Variants in COL2A1 observed in about 807,000 individuals in gnomAD.
COL2A1 encodes the protein collagen alpha-1(II) chain.
A neutral mutation model predicts 204.5 loss-of-function variants in COL2A1; 28 were observed. That is an observed-to-expected ratio of 0.14 (90% CI 0.10 to 0.19). The LOEUF (loss-of-function observed/expected upper bound fraction) is 0.19. Among genes scored for constraint, COL2A1 ranks in the 10% least tolerant of loss-of-function variants. The pLI, the probability that COL2A1 is intolerant of heterozygous loss-of-function variation, is 1.00. For synonymous variants in COL2A1, 708 were observed against 718.7 expected (o/e 0.99, Z 0.24); for missense variants, 1,388 against 2,027.5 (o/e 0.68, Z 6.06).
rs56265470 is a variant in COL2A1 at position 47,977,937 on chromosome 12, T to G, written c.3111+73A>C. ...CAGGGCCCTGACTGGGACTTGTCCT[T>G]GCTGACCCAGCACAGAGACTCACAG... On this transcript the variant is annotated intron_variant, in intron 44 of 53. Coordinates refer to ENST00000380518, the MANE Select transcript of COL2A1 (RefSeq NM_001844.5). The G allele has an allele frequency of 5.0e-3, 7,067 of 1,410,898 alleles. 329 individuals carry two copies. In the African/African-American group the frequency reaches 0.086, roughly 17 times the overall value. 87.4% of individuals were successfully genotyped at this position (1,410,898 alleles called of 1,614,324 possible).
Position 47,981,991 on chromosome 12 carries a change from C to G in COL2A1, c.2355+116G>C, listed in dbSNP as rs554798783. On this transcript the variant is annotated intron_variant, in intron 35 of 53. Coordinates refer to ENST00000380518, the MANE Select transcript of COL2A1 (RefSeq NM_001844.5). ...AGAAGTCCCTGCAGTTGCCCAGCCC[C>G]GACAGAGACAGGACCAGGGACCCCA... is the stretch of plus-strand genomic sequence containing the variant. 28 of 1,318,422 alleles carry G rather than the reference C, an allele frequency of 2.1e-5. No homozygotes were observed. The East Asian group carries it at 6.4e-4, about 30-fold the overall frequency. 81.7% of individuals were successfully genotyped at this position (1,318,422 alleles called of 1,614,324 possible). A position where few individuals can be genotyped will look rare whatever the true frequency, so the allele number is the denominator to read the frequency against.
At chr12:47,993,325 A>G in intron 15 of COL2A1, 133 bp downstream of exon 15, 1 of 761,236 alleles carries the variant, frequency 1.3e-6, no homozygotes, top group Non-Finnish European at 2.4e-6. Flanking sequence ...TGTCTAATAC[A>G]TTTTGCTTTT....
rs146410256 is a variant in COL2A1, at chr12:47,993,900, G to A, written c.871-38C>T. ...AGAAAATGTTCAATCAGACTTCTGG[G>A]AAACCCAAGTTGGAAGAAATGCACG... On this transcript the variant is annotated intron_variant, in intron 13 of 53. Transcript: ENST00000380518. 3.4e-5 allele frequency: 55 copies of A among 1,614,066 alleles called. 2 individuals are homozygous for A. In the Middle Eastern group the frequency reaches 1.2e-3, roughly 34 times the overall value.
Position 47,978,491 on chromosome 12 carries a change from G to GCAC in COL2A1, c.2896-94_2896-93insGTG. ...TCTGTCTGTGCAGCCCCGCTCCCTG[G>GCAC]CATCCCCACGGCCCCTGCTCCCTCC... is the stretch of plus-strand genomic sequence containing the variant. On this transcript the variant is annotated intron_variant, in intron 42 of 53. Coordinates refer to ENST00000380518, the MANE Select transcript of COL2A1 (RefSeq NM_001844.5). This position sits in a 1 kb window ranked among gnomAD's most constrained non-coding sequence, Gnocchi z 5.5. The GCAC allele has an allele frequency of 6.4e-7, 1 of 1,571,480 alleles. No homozygotes were observed. Among genetic ancestry groups the GCAC allele is most frequent in the Non-Finnish European group, 8.7e-7 (1 of 1,152,164 alleles).
chr12:48,000,226 C>T, intron 1 of COL2A1, 101 bp from the exon 2 acceptor site: 1 of 830,822 alleles, frequency 1.2e-6, no homozygotes, highest in Non-Finnish European at 2.0e-6. Flanking sequence ...TGACAGAATT[C>T]AAATGCTGAA....
intron 10 of COL2A1, 42 bp downstream of exon 10, chr12:47,995,668 G>A: frequency 6.3e-7 from 1 of 1,594,518 alleles, no homozygotes; most frequent in Non-Finnish European, 8.6e-7. Flanking sequence ...TCTATCATTA[G>A]AGGCTCCCCC....
At chr12:47,994,290 T>G in intron 12 of COL2A1, 134 bp downstream of exon 12, 1 of 1,043,690 alleles carries the variant, frequency 9.6e-7, no homozygotes, top group Non-Finnish European at 1.5e-6. Flanking sequence ...ATTACAAACA[T>G]GGTCGTGATA....
Position 47,976,746 on chromosome 12 carries a change from G to T in COL2A1, c.3435+66C>A, listed in dbSNP as rs1302040276. The T allele has an allele frequency of 6.7e-7, 1 of 1,482,808 alleles. No individual in the cohort carries two copies. Among genetic ancestry groups the T allele is most frequent in the Non-Finnish European group, 9.3e-7 (1 of 1,071,956 alleles). 91.9% of individuals were successfully genotyped at this position (1,482,808 alleles called of 1,614,324 possible). On this transcript the variant is annotated intron_variant, in intron 48 of 53. Transcript: ENST00000380518. This position sits in a 1 kb window ranked among gnomAD's most constrained non-coding sequence, Gnocchi z 4.3. ...GATCCCAAGCTGTCCTGGCAGCACAGGGAGCTCAAGTGGGCTCTGTGTGGC... is the reference window on the plus strand; with the variant it reads ...GATCCCAAGCTGTCCTGGCAGCACATGGAGCTCAAGTGGGCTCTGTGTGGC...
chr12:47,991,004 T>C (rs557528104), intron 16 of COL2A1, among the ~76,000 whole-genome samples: 12 of 152,300 alleles, frequency 7.9e-5, no homozygotes, highest in Non-Finnish European at 1.8e-4. Flanking sequence ...ACAACTCAAC[T>C]CTTCTTCCTG....
chr12:47,974,024 AAC>A, intron 53 of COL2A1, 63 bp downstream of exon 53: 1 of 1,613,030 alleles, frequency 6.2e-7, no homozygotes, highest in Non-Finnish European at 8.5e-7. Flanking sequence ...GCCGCGGGCC[AAC>A]CCTCAGCCCT....
At chr12:47,998,502 T>A in intron 2 of COL2A1, 71 bp from the exon 3 acceptor site, 1 of 1,478,646 alleles carries the variant, frequency 6.8e-7, no homozygotes, top group Non-Finnish European at 9.3e-7. Flanking sequence ...TTCTTGTCAC[T>A]CAAACACTCA....
chr12:47,994,254 C>G (rs878972547), intron 12 of COL2A1, among the ~76,000 whole-genome samples, 170 bp downstream of exon 12: 1 of 152,210 alleles, frequency 6.6e-6, no homozygotes, highest in South Asian at 2.1e-4. Flanking sequence ...AACTGCCCAG[C>G]CTCCCTCATG....
At chr12:47,974,964 G>A (rs974064158) in intron 51 of COL2A1, 102 bp from the exon 52 acceptor site, 11 of 1,221,682 alleles carry the variant, frequency 9.0e-6, no homozygotes, top group Admixed American at 6.6e-5. Context: ...GGCCTACAGG[G>A]ACAAGGGATG....
chr12:47,995,573 G>T, intron 10 of COL2A1, 137 bp downstream of exon 10: 1 of 954,274 alleles, frequency 1.0e-6, no homozygotes, highest in Non-Finnish European at 1.7e-6. Context: ...CAGCTAGGAA[G>T]TGACATCCGA....
rs1264413430 is a variant in COL2A1 at position 47,982,016 on chromosome 12, A to C, written c.2355+91T>G. 7 of 1,386,184 alleles carry C rather than the reference A, an allele frequency of 5.0e-6. No individual in the cohort carries two copies. The African/African-American group carries it at 8.5e-5, about 17-fold the overall frequency. 85.9% of individuals were successfully genotyped at this position (1,386,184 alleles called of 1,614,324 possible). On this transcript the variant is annotated intron_variant, in intron 35 of 53. Transcript: ENST00000380518. ...CGACAGAGACAGGACCAGGGACCCCAGTGGCAGACTGCCCAGCCCTCTCTC... is the reference window on the plus strand; with the variant it reads ...CGACAGAGACAGGACCAGGGACCCCCGTGGCAGACTGCCCAGCCCTCTCTC...
rs372863719 is a variant in COL2A1 at position 47,990,104 on chromosome 12, T to G, written c.1024-299A>C. Among the ~76,000 whole-genome samples, 4 of 152,296 alleles carry G rather than the reference T, an allele frequency of 2.6e-5. No individual in the cohort carries two copies. The East Asian group carries it at 7.7e-4, about 29-fold the overall frequency. On this transcript the variant is annotated intron_variant, in intron 16 of 53. Transcript: ENST00000380518. Reference sequence around the variant, plus strand: ...TCACTACAACCTCCACCTCTCAAGTTCAAGCAATTCTGCCTCAGCCTCCTG... The same window carrying G: ...TCACTACAACCTCCACCTCTCAAGTGCAAGCAATTCTGCCTCAGCCTCCTG...
upstream of COL2A1, chr12:48,006,197 G>T (rs1940462063): frequency 6.6e-6 from 1 of 152,128 alleles, no homozygotes; most frequent in Admixed American, 6.5e-5. Flanking sequence ...GGCTCAGAAG[G>T]TCCTATATTC....
Position 47,980,459 on chromosome 12 carries a change from C to T in COL2A1, c.2625+95G>A, listed in dbSNP as rs890424571. 107 of 1,163,380 alleles carry T rather than the reference C, an allele frequency of 9.2e-5. No individual in the cohort carries two copies. The highest frequency in any genetic ancestry group is 1.2e-4 in the Non-Finnish European group (95 of 793,936). 72.1% of individuals were successfully genotyped at this position (1,163,380 alleles called of 1,614,324 possible). ...CAACATGGGGGTGTTCCCAGGCCTG[C>T]GAACCATCCTCTGCGCAGCCTGCTG... On this transcript the variant is annotated intron_variant, in intron 39 of 53. Transcript: ENST00000380518. This position sits in a 1 kb window ranked among gnomAD's most constrained non-coding sequence, Gnocchi z 4.5.
chr12:48,004,348 G>C lies in COL2A1; in HGVS notation c.-27C>G, dbSNP rs1441448352. 1.4e-6 allele frequency: 2 copies of C among 1,429,908 alleles called. No homozygotes were observed. Among genetic ancestry groups the C allele is most frequent in the Admixed American group, 2.0e-5 (1 of 50,218 alleles). The allele number at this position is 1,429,908 out of a possible 1,614,324, so 88.6% of individuals were successfully genotyped here. On this transcript the variant is annotated 5_prime_UTR_variant, in exon 1 of 54. Transcript: ENST00000380518. ...GCTCACCGCGGGGCCTGGCTGAGCCGGGCCCGGGCGGAGCGCAGCGAAACG... is the reference window on the plus strand; with the variant it reads ...GCTCACCGCGGGGCCTGGCTGAGCCCGGCCCGGGCGGAGCGCAGCGAAACG...
Sources: allele counts gnomAD v4.1 joint callset (sites outside exome capture counted in the v4.1 genomes callset), GRCh38; gene constraint gnomAD v4.1.1; non-coding constraint Gnocchi (gnomAD v3.1); transcripts MANE v1.5; gene names NCBI Gene and HGNC (gene_info 2026-07-23, HGNC 2026-07-21).